DOK5: variants seen among roughly 807,000 people sequenced by gnomAD.
DOK5 encodes downstream of tyrosine kinase 5.
A neutral mutation model predicts 43.3 loss-of-function variants in DOK5; 27 were observed. The observed-to-expected ratio is 0.62, with a 90% CI of 0.46 to 0.86. The LOEUF (loss-of-function observed/expected upper bound fraction) is 0.86, where lower values mean the gene tolerates loss of function less well. DOK5 is among the 40% of genes least tolerant of loss of function. The probability of loss-of-function intolerance (pLI) is 0.00; values close to 1 mark genes in which losing one functional copy is unlikely to be tolerated. For synonymous variants in DOK5, 146 were observed against 140.1 expected, an observed-to-expected ratio of 1.04 and a Z score of -0.30; for missense variants, 373 against 392.9, an observed-to-expected ratio of 0.95 and a Z score of 0.43.
chr20:54,560,588 A>G (rs1984866871), intron 2 of DOK5, among the ~76,000 whole-genome samples: 1 of 152,100 alleles, frequency 6.6e-6, no homozygotes, highest in Non-Finnish European at 1.5e-5. Context: ...CACGTTCAAA[A>G]CTGACTGAAC....
chr20:54,477,374 G>A (rs922059465), intron 1 of DOK5, among the ~76,000 whole-genome samples: 2 of 152,094 alleles, frequency 1.3e-5, no homozygotes, highest in Non-Finnish European at 2.9e-5. Flanking sequence ...CCCTGCTGGT[G>A]ACCATGTTTT....
At chr20:54,489,775 T>C (rs969367399) in intron 1 of DOK5, among the ~76,000 whole-genome samples, 1 of 152,184 alleles carries the variant, frequency 6.6e-6, no homozygotes, top group African/African-American at 2.4e-5. Flanking sequence ...CCATTTTTTT[T>C]CCTCTGTTAC....
At chr20:54,610,321 A>C (rs903072325) in intron 5 of DOK5, 67 bp from the exon 6 acceptor site, 17 of 1,410,952 alleles carry the variant, frequency 1.2e-5, no homozygotes, top group African/African-American at 2.9e-5. Flanking sequence ...GGAGTATGCC[A>C]GGATCTTGGT....
intron 1 of DOK5, among the ~76,000 whole-genome samples, chr20:54,517,279 A>C (rs1020334151): frequency 2.0e-5 from 3 of 152,192 alleles, no homozygotes; most frequent in Non-Finnish European, 2.9e-5. Context: ...TAATCGGCAT[A>C]GGTATGGATT....
intron 2 of DOK5, among the ~76,000 whole-genome samples, chr20:54,571,997 A>G (rs188434443): frequency 5.5e-4 from 84 of 152,262 alleles, no homozygotes; most frequent in African/African-American, 2.0e-3. Flanking sequence ...TTCGAGACCC[A>G]TGTTAGGACT....
At chr20:54,478,157 G>A (rs1981510759) in intron 1 of DOK5, among the ~76,000 whole-genome samples, 2 of 152,270 alleles carry the variant, frequency 1.3e-5, no homozygotes, top group Admixed American at 1.3e-4. Flanking sequence ...GGTCTTATTT[G>A]TTAGCATTGG....
intron 1 of DOK5, among the ~76,000 whole-genome samples, chr20:54,534,268 C>A (rs910890431): frequency 2.6e-5 from 4 of 152,170 alleles, no homozygotes; most frequent in Non-Finnish European, 2.9e-5. Flanking sequence ...CTCACTGCAG[C>A]CTTGATCCCT....
At chr20:54,476,084 G>A in intron 1 of DOK5, 72 bp downstream of exon 1, 1 of 1,594,882 alleles carries the variant, frequency 6.3e-7, no homozygotes, top group African/African-American at 1.3e-5. Flanking sequence ...CATCCCTGGA[G>A]GGTGGACGGA....
intron 6 of DOK5, among the ~76,000 whole-genome samples, chr20:54,636,654 C>A (rs975663923): frequency 6.6e-6 from 1 of 152,202 alleles, no homozygotes; most frequent in Non-Finnish European, 1.5e-5. Context: ...CTTTAAAAAA[C>A]TCCTGACCTC....
rs373927633 is a variant in DOK5, at chr20:54,498,842, A to C, written c.66+22830A>C. 1.4e-4 allele frequency among the ~76,000 whole-genome samples: 22 copies of C among 152,376 alleles called. No homozygotes were observed. In the East Asian group the frequency reaches 1.9e-3, roughly 13 times the overall value. ...AGACTTTTTTTCTCCCCTGTGGAAG[A>C]ATAAAGCCATCTAACTGTCATTTAA... On this transcript the variant is annotated intron_variant, in intron 1 of 7. Transcript: ENST00000262593.
At chr20:54,610,314 G>A in intron 5 of DOK5, 74 bp from the exon 6 acceptor site, 1 of 1,382,810 alleles carries the variant, frequency 7.2e-7, no homozygotes, top group East Asian at 2.5e-5. Flanking sequence ...GCCTAATGGA[G>A]TATGCCAGGA....
chr20:54,564,439 T>C (rs1252701333), intron 2 of DOK5, among the ~76,000 whole-genome samples: 1 of 152,058 alleles, frequency 6.6e-6, no homozygotes, highest in Non-Finnish European at 1.5e-5. Context: ...AAAAAAAAGA[T>C]TTTTATTAGA....
intron 1 of DOK5, chr20:54,476,274 C>A: frequency 1.1e-6 from 1 of 913,900 alleles, no homozygotes; most frequent in Non-Finnish European, 1.3e-6. Flanking sequence ...TGGAGCCCAT[C>A]TACTCGAAAT....
Position 54,588,555 on chromosome 20 carries a change from T to C in DOK5, c.247T>C (p.Tyr83His), listed in dbSNP as rs749906272. ...CACCAAGAAACATGCCATAGGGATTTATTTCAATGACGATACCTCCAAGAC... is the reference window on the plus strand; with the variant it reads ...CACCAAGAAACATGCCATAGGGATTCATTTCAATGACGATACCTCCAAGAC... Reference protein sequence around the residue: ...KSTKKHAIGIYFNDDTSKTFA... With the variant: ...KSTKKHAIGIHFNDDTSKTFA... Residue 83 changes from tyrosine (Y) to histidine (H), a missense_variant, in exon 3 of 8, where the codon TAT (tyrosine) becomes CAT (histidine). Tyr to His is a moderately conservative substitution (Grantham distance 83, BLOSUM62 2). Transcript: ENST00000262593. 2 of 1,614,192 alleles carry C rather than the reference T, an allele frequency of 1.2e-6. No individual in the cohort carries two copies. The highest frequency in any genetic ancestry group is 2.2e-5 in the South Asian group (2 of 91,086).
intron 6 of DOK5, among the ~76,000 whole-genome samples, chr20:54,611,031 A>G (rs1259629994): frequency 6.6e-6 from 1 of 152,190 alleles, no homozygotes; most frequent in African/African-American, 2.4e-5. Context: ...TCTATATGTA[A>G]TACCTGCTAG....
intron 2 of DOK5, among the ~76,000 whole-genome samples, chr20:54,566,083 T>C (rs1985088012): frequency 6.7e-6 from 1 of 150,138 alleles, no homozygotes; most frequent in Non-Finnish European, 1.5e-5. Flanking sequence ...CCTTTCATAA[T>C]CACATCCTCC....
At chr20:54,585,775 A>C (rs1286499412) in intron 2 of DOK5, among the ~76,000 whole-genome samples, 3 of 152,208 alleles carry the variant, frequency 2.0e-5, no homozygotes, top group Admixed American at 6.5e-5. Flanking sequence ...AAAAGGTGAT[A>C]ATAGTAATAT....
intron 6 of DOK5, among the ~76,000 whole-genome samples, chr20:54,635,794 T>C (rs1260760001): frequency 2.6e-5 from 4 of 152,234 alleles, no homozygotes; most frequent in Non-Finnish European, 5.9e-5. Context: ...GACAGTACCC[T>C]CTAGGCCTCA....
At position 54,570,979 on chromosome 20, in the gene DOK5, A is replaced by C. The variant is rs184437230; in HGVS notation, c.174+15939A>C. Reference sequence around the variant, plus strand: ...GGCTGTTAAACATTTATTTCAATGAATACTATCATTTATGATGAATAAGAC... The same window carrying C: ...GGCTGTTAAACATTTATTTCAATGACTACTATCATTTATGATGAATAAGAC... On this transcript the variant is annotated intron_variant, in intron 2 of 7. Transcript: ENST00000262593. Among the ~76,000 whole-genome samples, 242 of 152,358 alleles carry C rather than the reference A, an allele frequency of 1.6e-3. 1 individual carries two copies. Among genetic ancestry groups the C allele is most frequent in the Non-Finnish European group, 2.7e-3 (187 of 68,040 alleles).
Sources: allele counts gnomAD v4.1 joint callset (sites outside exome capture counted in the v4.1 genomes callset), GRCh38; gene constraint gnomAD v4.1.1; transcripts MANE v1.5; gene names NCBI Gene and HGNC (gene_info 2026-07-23, HGNC 2026-07-21).